The following ATP6V1H variants were observed in gnomAD, a reference collection of about 807,000 sequenced individuals.
ATP6V1H encodes the protein V-type proton ATPase subunit H.
Under a neutral mutation model 71.7 loss-of-function variants are expected in ATP6V1H, and 39 were observed. The ratio of observed to expected loss-of-function variants is 0.54; its 90% CI spans 0.42 to 0.71. The LOEUF (loss-of-function observed/expected upper bound fraction) is 0.71, where lower values mean the gene tolerates loss of function less well. Ranked by LOEUF, ATP6V1H falls within the 30% of genes least tolerant of loss-of-function variation. The pLI, the probability that ATP6V1H is intolerant of heterozygous loss-of-function variation, is 0.00. For missense variants in ATP6V1H, 509 were observed against 594.9 expected, an observed-to-expected ratio of 0.86 and a Z score of 1.50; for synonymous variants, 192 against 199.3, an observed-to-expected ratio of 0.96 and a Z score of 0.31.
At chr8:53,767,696 C>T (rs1808518715) in intron 11 of ATP6V1H, among the ~76,000 whole-genome samples, 1 of 152,114 alleles carries the variant, frequency 6.6e-6, no homozygotes, top group African/African-American at 2.4e-5. Context: ...CACAAGGATG[C>T]CAAGATAATT....
At chr8:53,784,230 T>C (rs1470157087) in intron 9 of ATP6V1H, among the ~76,000 whole-genome samples, 2 of 152,246 alleles carry the variant, frequency 1.3e-5, no homozygotes, top group Non-Finnish European at 2.9e-5. Context: ...TGCTCCTGTA[T>C]TGGGTGCATA....
At position 53,715,842 on chromosome 8, in the gene ATP6V1H, G is replaced by C. The variant is rs532569386; in HGVS notation, c.*122C>G. On this transcript the variant is annotated 3_prime_UTR_variant, in exon 14 of 14. Coordinates refer to ENST00000359530, the MANE Select transcript of ATP6V1H (RefSeq NM_015941.4). ...TTGTTGTTGTTTGGAAATTAGCATT[G>C]GGAAAAGCTATATAACAGAGGAAAT... is the stretch of plus-strand genomic sequence containing the variant. The C allele has an allele frequency of 8.3e-5, 60 of 721,888 alleles. No individual in the cohort carries two copies. In the African/African-American group the frequency reaches 9.1e-4, roughly 11 times the overall value. The allele number at this position is 721,888 out of a possible 1,614,324, so 44.7% of individuals were successfully genotyped here.
chr8:53,765,963 A>T (rs1251580495), intron 11 of ATP6V1H, among the ~76,000 whole-genome samples: 1 of 152,262 alleles, frequency 6.6e-6, no homozygotes, highest in Non-Finnish European at 1.5e-5. Flanking sequence ...GAAACAGAAC[A>T]GAGAGCCCAG....
At chr8:53,735,125 A>G (rs1029753639) in intron 13 of ATP6V1H, among the ~76,000 whole-genome samples, 1 of 152,218 alleles carries the variant, frequency 6.6e-6, no homozygotes, top group Non-Finnish European at 1.5e-5. Context: ...ATACTAGCTT[A>G]TGGAACAGCC....
chr8:53,783,579 G>A (rs1182346975), intron 9 of ATP6V1H, among the ~76,000 whole-genome samples: 1 of 152,128 alleles, frequency 6.6e-6, no homozygotes, highest in East Asian at 1.9e-4. Flanking sequence ...CTTGCCTTCT[G>A]CTAGCTTTTC....
At chr8:53,779,289 A>G (rs962442311) in intron 9 of ATP6V1H, among the ~76,000 whole-genome samples, 1 of 152,114 alleles carries the variant, frequency 6.6e-6, no homozygotes, top group Non-Finnish European at 1.5e-5. Flanking sequence ...ACAAGCCATA[A>G]AATGAGTCCC....
At chr8:53,834,041 C>T (rs746714455) in intron 2 of ATP6V1H, among the ~76,000 whole-genome samples, 16 of 152,088 alleles carry the variant, frequency 1.1e-4, no homozygotes, top group Non-Finnish European at 2.1e-4. Context: ...AAATACAGAC[C>T]CTTCCTTGTC....
At chr8:53,746,089 T>C (rs188529693) in intron 12 of ATP6V1H, among the ~76,000 whole-genome samples, 1 of 152,314 alleles carries the variant, frequency 6.6e-6, no homozygotes, top group Admixed American at 6.5e-5. Flanking sequence ...ATGTGAGCAC[T>C]TTCCCCCACG....
chr8:53,742,127 C>T (rs1339267956), intron 13 of ATP6V1H, among the ~76,000 whole-genome samples: 1 of 152,220 alleles, frequency 6.6e-6, no homozygotes, highest in East Asian at 1.9e-4. Context: ...TCTCTGCCTA[C>T]CTCTCCTGAA....
intron 6 of ATP6V1H, among the ~76,000 whole-genome samples, chr8:53,814,268 G>A (rs1453050520): frequency 1.3e-5 from 2 of 152,080 alleles, no homozygotes; most frequent in African/African-American, 2.4e-5. Flanking sequence ...GAAATCTCTC[G>A]GCCCGAGGCA....
At chr8:53,727,959 T>C (rs967792013) in intron 13 of ATP6V1H, among the ~76,000 whole-genome samples, 1 of 152,154 alleles carries the variant, frequency 6.6e-6, no homozygotes, top group African/African-American at 2.4e-5. Flanking sequence ...GTCACTTCCA[T>C]ATTTTTAATA....
At chr8:53,784,636 T>C (rs1422994244) in intron 9 of ATP6V1H, among the ~76,000 whole-genome samples, 2 of 152,226 alleles carry the variant, frequency 1.3e-5, no homozygotes, top group East Asian at 1.9e-4. Context: ...CTAGCAGTGA[T>C]GGTCTTTACA....
At chr8:53,716,283 T>G (rs1806421407) in intron 13 of ATP6V1H, among the ~76,000 whole-genome samples, 1 of 152,216 alleles carries the variant, frequency 6.6e-6, no homozygotes, top group African/African-American at 2.4e-5. Context: ...TGTAAAGTTA[T>G]TACGATTACA....
chr8:53,795,890 A>G, intron 8 of ATP6V1H, 51 bp from the exon 9 acceptor site: 2 of 1,506,936 alleles, frequency 1.3e-6, no homozygotes, highest in Non-Finnish European at 1.8e-6. Flanking sequence ...TTTAGAAAGA[A>G]GAAATAAGCA....
At chr8:53,752,602 G>C (rs1056680361) in intron 12 of ATP6V1H, among the ~76,000 whole-genome samples, 4 of 152,084 alleles carry the variant, frequency 2.6e-5, no homozygotes, top group Admixed American at 2.6e-4. Context: ...CCAGGCTGGA[G>C]TGCAGTGGCA....
At chr8:53,777,693 T>C (rs1291657448) in intron 9 of ATP6V1H, among the ~76,000 whole-genome samples, 6 of 152,192 alleles carry the variant, frequency 3.9e-5, no homozygotes, top group Admixed American at 3.9e-4. Context: ...TGCACAATTC[T>C]ACTACTACGG....
chr8:53,771,730 G>C (rs1307583549), intron 10 of ATP6V1H, among the ~76,000 whole-genome samples: 4 of 152,150 alleles, frequency 2.6e-5, no homozygotes, highest in Non-Finnish European at 5.9e-5. Flanking sequence ...CCAGGGTGGA[G>C]TCATCCTGAG....
chr8:53,835,298 G>C (rs1438074714), intron 2 of ATP6V1H, among the ~76,000 whole-genome samples: 1 of 152,138 alleles, frequency 6.6e-6, no homozygotes, highest in Admixed American at 6.5e-5. Context: ...AGCATGAAGG[G>C]CTCAGGACAC....
At chr8:53,755,700 A>T (rs1322793042) in intron 12 of ATP6V1H, among the ~76,000 whole-genome samples, 2 of 2,030 alleles carry the variant, frequency 9.9e-4, no homozygotes, top group Non-Finnish European at 1.3e-3. Context: ...ATATATATAT[A>T]TATATATATA....
Sources: gnomAD v4.1 joint callset for allele counts (sites outside exome capture counted in the v4.1 genomes callset) on GRCh38, gnomAD v4.1.1 for gene constraint, MANE v1.5 for transcripts, NCBI Gene and HGNC (gene_info 2026-07-23, HGNC 2026-07-21) for gene names.